Variants in FHIP2A observed in about 807,000 individuals in gnomAD.
The protein encoded by FHIP2A is FHF complex subunit HOOK interacting protein 2A, also known as family with sequence similarity 160 member B1.
In FHIP2A, 46 loss-of-function variants were observed where a neutral mutation model predicts 93.5. That is an observed-to-expected ratio of 0.49 (90% CI 0.39 to 0.63). The LOEUF (loss-of-function observed/expected upper bound fraction) is 0.63, where lower values mean the gene tolerates loss of function less well. FHIP2A is among the 20% of genes least tolerant of loss of function. The pLI, the probability that FHIP2A is intolerant of heterozygous loss-of-function variation, is 0.00. For missense variants in FHIP2A, 769 were observed against 909.7 expected (o/e 0.85, Z 1.99); for synonymous variants, 332 against 326.5 (o/e 1.02, Z -0.18).
At chr10:114,822,617 GGA>G (rs950564398) in intron 1 of FHIP2A, among the ~76,000 whole-genome samples, 4 of 152,240 alleles carry the variant, frequency 2.6e-5, no homozygotes, top group African/African-American at 9.6e-5. Flanking sequence ...GGTAGAGGTG[GGA>G]GAGGCATGGT....
At chr10:114,859,212 TA>T (rs1281704336) in intron 14 of FHIP2A, among the ~76,000 whole-genome samples, 1 of 152,222 alleles carries the variant, frequency 6.6e-6, no homozygotes, top group African/African-American at 2.4e-5. Flanking sequence ...TTAGAAAGAC[TA>T]AAATGGGCCT....
intron 14 of FHIP2A, 119 bp downstream of exon 14, chr10:114,855,459 G>T: frequency 1.1e-6 from 1 of 874,478 alleles, no homozygotes; most frequent in Admixed American, 2.9e-5. Flanking sequence ...TTTTCCACTG[G>T]ATGACTTTTT....
rs1363385504 is a variant in FHIP2A, at chr10:114,854,871, T to A, written c.1804-326T>A. On this transcript the variant is annotated intron_variant, in intron 13 of 16. Coordinates refer to ENST00000369248, the MANE Select transcript of FHIP2A (RefSeq NM_020940.4). ...AAAACTTGGCTAGGTCTGACTTTGC[T>A]TTTTAAATGTCCTCTAAATCGGTGA... 2.0e-5 allele frequency among the ~76,000 whole-genome samples: 3 copies of A among 152,360 alleles called. No homozygotes were observed. The East Asian group carries it at 5.8e-4, about 29-fold the overall frequency.
In FHIP2A at chr10:114,861,900, G is replaced by A; in HGVS notation, c.*360G>A. On this transcript the variant is annotated 3_prime_UTR_variant, in exon 17 of 17. Transcript: ENST00000369248. ...TATTAATGTCCTTTTAGGTAGCAAG[G>A]CATTTTGACATTCTCTGGGACTCAA... The A allele has an allele frequency of 1.0e-6, 1 of 989,216 alleles. No individual in the cohort carries two copies. 61.3% of individuals were successfully genotyped at this position (989,216 alleles called of 1,614,324 possible). A position where few individuals can be genotyped will look rare whatever the true frequency, so the allele number is the denominator to read the frequency against.
At chr10:114,886,603 G>A (rs1196408236) in intron 16 of FHIP2A, among the ~76,000 whole-genome samples, 1 of 152,110 alleles carries the variant, frequency 6.6e-6, no homozygotes, top group African/African-American at 2.4e-5. Flanking sequence ...GGAGTGCAGT[G>A]GTGTGATATC....
At chr10:114,833,511 C>T (rs2083620113) in intron 3 of FHIP2A, 109 bp downstream of exon 3, 1 of 1,057,452 alleles carries the variant, frequency 9.5e-7, no homozygotes, top group African/African-American at 1.6e-5. Context: ...TTGAACATGG[C>T]AGGATTCAAG....
chr10:114,884,564 T>C (rs898259410), intron 16 of FHIP2A, among the ~76,000 whole-genome samples: 3 of 152,184 alleles, frequency 2.0e-5, no homozygotes, highest in African/African-American at 7.2e-5. Context: ...TAATAAACGT[T>C]GCCCCCATCC....
downstream of FHIP2A, among the ~76,000 whole-genome samples, chr10:114,865,279 C>T (rs575793147): frequency 1.8e-4 from 27 of 152,224 alleles, no homozygotes; most frequent in African/African-American, 3.4e-4. Context: ...TGAGCCACCG[C>T]GCCTGGCCCA....
At chr10:114,874,061 G>T (rs553611348) in intron 16 of FHIP2A, among the ~76,000 whole-genome samples, 34 of 152,264 alleles carry the variant, frequency 2.2e-4, no homozygotes, top group Non-Finnish European at 4.4e-4. Context: ...TATTTATAAA[G>T]CCTTTCAACC....
intron 1 of FHIP2A, among the ~76,000 whole-genome samples, chr10:114,824,793 C>A (rs942088302): frequency 6.6e-6 from 1 of 152,160 alleles, no homozygotes; most frequent in African/African-American, 2.4e-5. Flanking sequence ...TCTGTGTGTT[C>A]CTGTTCATGT....
rs1208863878 is a variant in FHIP2A, at chr10:114,843,153, C to G, written c.743C>G (p.Pro248Arg). The change falls in exon 6 of 17, where the codon CCA (proline) becomes CGA (arginine). Residue 248 changes from proline to arginine, a missense_variant. Physicochemically the swap from Pro to Arg is moderately radical, Grantham distance 103. Transcript: ENST00000369248. ...GATAACCTCAGTGTCACCTCACTGC[C>G]AGAGGCCTCGGTTGTTTGTCCAAAT... ...SLDNLSVTSL[P>R]EASVVCPNQD... 2 of 1,613,846 alleles carry G rather than the reference C, an allele frequency of 1.2e-6. No individual in the cohort carries two copies. The highest frequency in any genetic ancestry group is 1.7e-6 in the Non-Finnish European group (2 of 1,179,918).
At chr10:114,846,754 T>C in intron 11 of FHIP2A, 26 bp downstream of exon 11, 2 of 1,553,504 alleles carry the variant, frequency 1.3e-6, no homozygotes, top group African/African-American at 2.8e-5. Context: ...ACTCCGTGAG[T>C]TCAGCATTTC....
At chr10:114,845,799 C>A (rs897459769) in intron 8 of FHIP2A, among the ~76,000 whole-genome samples, 1 of 152,054 alleles carries the variant, frequency 6.6e-6, no homozygotes, top group Non-Finnish European at 1.5e-5. Flanking sequence ...AATTTTTCAT[C>A]CTATTCCTCT....
At position 114,863,875 on chromosome 10, in the gene FHIP2A, G is replaced by T; in HGVS notation, c.*2335G>T. 2 of 1,089,228 alleles carry T rather than the reference G, an allele frequency of 1.8e-6. No homozygotes were observed. The highest frequency in any genetic ancestry group is 2.3e-6 in the Non-Finnish European group (2 of 888,144). The allele number at this position is 1,089,228 out of a possible 1,614,324, so 67.5% of individuals were successfully genotyped here. ...TGAATTTCAGCCTTGCTTCACATTTGTATCAATAAATATGCACATTTTTTA... is the reference window on the plus strand; with the variant it reads ...TGAATTTCAGCCTTGCTTCACATTTTTATCAATAAATATGCACATTTTTTA... On this transcript the variant is annotated 3_prime_UTR_variant, in exon 17 of 17. Transcript: ENST00000369248.
intron 5 of FHIP2A, among the ~76,000 whole-genome samples, chr10:114,842,331 C>T (rs1043324546): frequency 1.3e-5 from 2 of 152,086 alleles, no homozygotes; most frequent in Non-Finnish European, 2.9e-5. Flanking sequence ...TCCCAAAGTG[C>T]TGGTATTACA....
rs2083715680 is a variant in FHIP2A at position 114,848,570 on chromosome 10, C to T, written c.1713-77C>T. On this transcript the variant is annotated intron_variant, in intron 12 of 16. Transcript: ENST00000369248. ...GAATTATGAGAGTATTGATTATGGT[C>T]TTTTTCACTTCTACTTTTTCCTTTT... 6 of 806,798 alleles carry T rather than the reference C, an allele frequency of 7.4e-6. No individual in the cohort carries two copies. In the Admixed American group the frequency reaches 8.9e-5, roughly 12 times the overall value. 50.0% of individuals were successfully genotyped at this position (806,798 alleles called of 1,614,324 possible).
At chr10:114,828,985 G>A (rs1052911339) in intron 1 of FHIP2A, among the ~76,000 whole-genome samples, 2 of 152,058 alleles carry the variant, frequency 1.3e-5, no homozygotes, top group Admixed American at 6.6e-5. Flanking sequence ...ACAATAGTTC[G>A]GAAATTGTTT....
intron 13 of FHIP2A, among the ~76,000 whole-genome samples, chr10:114,851,732 A>T (rs1056010357): frequency 2.0e-5 from 3 of 151,378 alleles, no homozygotes; most frequent in African/African-American, 7.3e-5. Context: ...AAAAAAAAAA[A>T]AAAAGCAATT....
intron 13 of FHIP2A, among the ~76,000 whole-genome samples, chr10:114,851,797 A>C: frequency 6.6e-6 from 1 of 151,234 alleles, no homozygotes; most frequent in Non-Finnish European, 1.5e-5. Context: ...AAGTACAGCC[A>C]TCCTAACAAT....
Sources: allele counts gnomAD v4.1 joint callset (sites outside exome capture counted in the v4.1 genomes callset), GRCh38; gene constraint gnomAD v4.1.1; transcripts MANE v1.5; gene names NCBI Gene and HGNC (gene_info 2026-07-23, HGNC 2026-07-21).